The following TTN variants were observed in gnomAD, a reference collection of about 807,000 sequenced individuals.
The protein encoded by TTN is connectin.
In TTN, 1,525 loss-of-function variants were observed where a neutral mutation model predicts 3,223.0. The ratio of observed to expected loss-of-function variants is 0.47; its 90% confidence interval spans 0.45 to 0.49. The LOEUF (loss-of-function observed/expected upper bound fraction) is 0.49. Ranked by LOEUF, TTN falls within the 20% of genes least tolerant of loss-of-function variation. The pLI is 0.00. For missense variants in TTN, 40,786 were observed against 43,424.0 expected, an observed-to-expected ratio of 0.94 and a Z score of 5.40; for synonymous variants, 14,094 against 15,161.0, an observed-to-expected ratio of 0.93 and a Z score of 5.17.
chr2:178,718,761 C>A lies in TTN; in HGVS notation c.24439G>T (p.Asp8147Tyr). Residue 8147 changes from aspartate (D) to tyrosine (Y), a missense_variant, in exon 84 of 363, where the codon GAC (aspartate) becomes TAC (tyrosine). Physicochemically the swap from Asp to Tyr is radical, Grantham distance 160 (BLOSUM62 -3). Coordinates refer to ENST00000589042, the MANE Select transcript of TTN (RefSeq NM_001267550.2). ...LFEVQPLESG[D>Y]YSCLVTNDAG... ...TCATTTGTAACGAGGCAAGAATAGT[C>A]TCCACTTTCTAATGGCTGCACCTCA... is the stretch of plus-strand genomic sequence containing the variant. 1 of 1,613,734 alleles carries A rather than the reference C, an allele frequency of 6.2e-7. No individual in the cohort carries two copies. Among genetic ancestry groups the A allele is most frequent in the East Asian group, 2.2e-5 (1 of 44,852 alleles).
rs1045612706 is a variant in TTN, at chr2:178,618,366, C to T, written c.47092G>A (p.Asp15698Asn). ...AGAACCCAGGTCTTTCTCTTAATGT[C>T]ACGTCTTTCAACAACGTAACCTATG... The part of the protein sequence containing the change: ...KIIGYVVERR[D>N]IKRKTWVLAT... The change falls in exon 252 of 363, where the codon GAC becomes AAC. Residue 15698 changes from aspartate (D) to asparagine (N), a missense_variant. Coordinates refer to ENST00000589042, the MANE Select transcript of TTN (RefSeq NM_001267550.2). The T allele has an allele frequency of 7.4e-6, 12 of 1,612,522 alleles. No individual in the cohort carries two copies. The highest frequency in any genetic ancestry group is 1.1e-5 in the South Asian group (1 of 91,060).
chr2:178,693,637 A>T lies in TTN; in HGVS notation c.31566T>A (p.Ile10522=), dbSNP rs200239159. Residue 10522 remains isoleucine, a synonymous_variant, in exon 119 of 363, where the codon ATT becomes ATA. Coordinates refer to ENST00000589042, the MANE Select transcript of TTN (RefSeq NM_001267550.2). ...TAGGTGGTGGTTCAACCCTTTTGGA[A>T]ATGGCAACGTGAATTTTCTCTTCAG... ...IVTEEKIHVA[I]SKRVEPPPKV... is the part of the protein sequence containing the mutation. 23 of 1,601,522 alleles carry T rather than the reference A, an allele frequency of 1.4e-5. No individual in the cohort carries two copies. The highest frequency in any genetic ancestry group is 2.0e-5 in the Non-Finnish European group (23 of 1,171,736).
At position 178,689,280 on chromosome 2, in the gene TTN, G is replaced by GA. The variant is rs1577454770; in HGVS notation, c.32011+9dup. 3 of 1,609,746 alleles carry GA rather than the reference G, an allele frequency of 1.9e-6. No individual in the cohort carries two copies. The Admixed American group carries it at 5.1e-5, about 27-fold the overall frequency. On this transcript the variant is annotated intron_variant, in intron 124 of 362. Coordinates refer to ENST00000589042, the MANE Select transcript of TTN (RefSeq NM_001267550.2). ...TAAAGACAGTTCTTGGGAAGATGGA[G>GA]AAACAATACCTTTTGGTGGTGGTGG...
Position 178,610,267 on chromosome 2 carries a change from T to C in TTN, c.51259A>G (p.Arg17087Gly), listed in dbSNP as rs1483164102. 2.5e-6 allele frequency: 4 copies of C among 1,613,050 alleles called. No homozygotes were observed. The African/African-American group carries it at 4.0e-5, about 16-fold the overall frequency. ...TPILHYVLER[R>G]EAGRRTYIPV... is the part of the protein sequence containing the mutation. ...ATATATGTTCTCCTCCCAGCTTCTC[T>C]GCGCTCCAGGACATAATGAAGAATT... The change falls in exon 271 of 363, where the codon AGA (arginine) becomes GGA (glycine). Residue 17087 changes from arginine (R) to glycine (G), a missense_variant. Physicochemically the swap from Arg to Gly is moderately radical, Grantham distance 125. Transcript: ENST00000589042.
chr2:178,780,928 C>G (rs1419863203), intron 21 of TTN, among the ~76,000 whole-genome samples, 193 bp downstream of exon 21: 1 of 152,200 alleles, frequency 6.6e-6, no homozygotes, highest in African/African-American at 2.4e-5. Context: ...TTGCTAGAAC[C>G]TCAGAAGTTT....
Position 178,800,389 on chromosome 2 carries a change from A to G in TTN, c.583+6T>C, listed in dbSNP as rs1386932855. 5 of 1,613,962 alleles carry G rather than the reference A, an allele frequency of 3.1e-6. No homozygotes were observed. In the Admixed American group the frequency reaches 8.3e-5, roughly 27 times the overall value. On this transcript the variant is annotated splice_donor_region_variant and intron_variant, in intron 4 of 362. Transcript: ENST00000589042. ...TTCTCTCTGTTCCTCAACCTCCAGC[A>G]CGTACCTTGAACCAGTAATTCAGCA...
rs2076500953 is a variant in TTN, at chr2:178,710,513, C to T, written c.28462+122G>A. 3 of 1,229,014 alleles carry T rather than the reference C, an allele frequency of 2.4e-6. No homozygotes were observed. The Admixed American group carries it at 7.0e-5, about 29-fold the overall frequency. The allele number at this position is 1,229,014 out of a possible 1,614,324, so 76.1% of individuals were successfully genotyped here. ...CTAGATAAACTTATTTCCTCTTAAACATTTTCTTTTCATTTGTTTAAAAAT... is the reference window on the plus strand; with the variant it reads ...CTAGATAAACTTATTTCCTCTTAAATATTTTCTTTTCATTTGTTTAAAAAT... On this transcript the variant is annotated intron_variant, in intron 98 of 362. Transcript: ENST00000589042.
At chr2:178,787,585 T>TA (rs896338934) in intron 13 of TTN, among the ~76,000 whole-genome samples, 5 of 152,148 alleles carry the variant, frequency 3.3e-5, no homozygotes, top group African/African-American at 1.2e-4. Context: ...GCCAGTCTGC[T>TA]ATGAAGTAGT....
intron 111 of TTN, among the ~76,000 whole-genome samples, chr2:178,700,674 T>C (rs929481808): frequency 6.6e-6 from 1 of 152,250 alleles, no homozygotes; most frequent in Admixed American, 6.5e-5. Context: ...TTCTAAATCA[T>C]ATTTTATGTG....
chr2:178,774,918 TA>T lies in TTN; in HGVS notation c.6790+2del, dbSNP rs751134691. ...AACAATGAAATCCTTCGTTGTTGAA[TA>T]CCTTCAACAATAAGTTTAGCAGTCG... On this transcript the variant is annotated splice_donor_variant, in intron 29 of 362. Coordinates refer to ENST00000589042, the MANE Select transcript of TTN (RefSeq NM_001267550.2). LOFTEE classifies it high-confidence loss of function. 1 of 1,613,570 alleles carries T rather than the reference TA, an allele frequency of 6.2e-7. No homozygotes were observed. The highest frequency in any genetic ancestry group is 1.3e-5 in the African/African-American group (1 of 75,052).
intron 228 of TTN, 107 bp downstream of exon 228, chr2:178,635,057 TC>T: frequency 6.7e-7 from 1 of 1,485,952 alleles, no homozygotes; most frequent in Non-Finnish European, 9.1e-7. Flanking sequence ...TTTAGAAGAC[TC>T]CATTAACTCC....
Position 178,597,647 on chromosome 2 carries a change from G to A in TTN, c.57435C>T (p.Ser19145=). The change falls in exon 294 of 363, where the codon AGC becomes AGT. Residue 19145 remains serine, a synonymous_variant. Coordinates refer to ENST00000589042, the MANE Select transcript of TTN (RefSeq NM_001267550.2). ...QEATIETTAI[S]SSMVIKNCQR... ...GGCAGTTCTTGATGACCATGGATGA[G>A]CTAATGGCTGTGGTCTCAATGGTGG... The A allele has an allele frequency of 6.2e-7, 1 of 1,613,278 alleles. No homozygotes were observed.
chr2:178,663,864 C>A lies in TTN; in HGVS notation c.36403G>T (p.Val12135Leu). ...ASKEVIREEK[V>L]PLAPPKEPEV... is the part of the protein sequence containing the mutation. ...GGCTCTTTAGGAGGAGCCAAGGGCACTTTCTCTTCGCGGATAACCTCTTTG... is the reference window on the plus strand; with the variant it reads ...GGCTCTTTAGGAGGAGCCAAGGGCAATTTCTCTTCGCGGATAACCTCTTTG... Residue 12135 changes from valine (V) to leucine (L), a missense_variant, in exon 170 of 363, where the codon GTG becomes TTG. Physicochemically the swap from Val to Leu is conservative, Grantham distance 32. Transcript: ENST00000589042. 9 of 1,613,364 alleles carry A rather than the reference C, an allele frequency of 5.6e-6. No individual in the cohort carries two copies. Among genetic ancestry groups the A allele is most frequent in the Non-Finnish European group, 7.6e-6 (9 of 1,179,800 alleles).
At position 178,569,282 on chromosome 2, in the gene TTN, G is replaced by A; in HGVS notation, c.76850C>T (p.Ser25617Leu). 6.2e-7 allele frequency: 1 copy of A among 1,609,612 alleles called. No individual in the cohort carries two copies. Among genetic ancestry groups the A allele is most frequent in the Non-Finnish European group, 8.5e-7 (1 of 1,177,458 alleles). Residue 25617 changes from serine (S) to leucine (L), a missense_variant, in exon 326 of 363, where the codon TCA (serine) becomes TTA (leucine). By Grantham distance (145) the Ser-to-Leu change is moderately radical. Transcript: ENST00000589042. ...AGGAGGTTCCCATGTAATTGATACT[G>A]AGTCTTTGGTGATTTCTGTGACTTT... is the stretch of plus-strand genomic sequence containing the variant. ...NLKVTEITKD[S>L]VSITWEPPLL...
intron 319 of TTN, 47 bp from the exon 320 acceptor site, chr2:178,579,440 A>T (rs780400473): frequency 1.3e-6 from 2 of 1,560,252 alleles, no homozygotes; most frequent in Middle Eastern, 3.5e-4. Context: ...AGGCCAGGCG[A>T]TTAACTTTTT....
rs767743244 is a variant in TTN, at chr2:178,595,817, TAAG to T, written c.57545-11_57545-9del. ...CAACGGGACCTGGAACATCTGGAAA[TAAG>T]AAGAAAATAATTCAAGCTGTTTGCC... On this transcript the variant is annotated splice_polypyrimidine_tract_variant and intron_variant, in intron 294 of 362. Coordinates refer to ENST00000589042, the MANE Select transcript of TTN (RefSeq NM_001267550.2). 27 of 1,580,926 alleles carry T rather than the reference TAAG, an allele frequency of 1.7e-5. No individual in the cohort carries two copies. Among genetic ancestry groups the T allele is most frequent in the Non-Finnish European group, 2.2e-5 (26 of 1,163,644 alleles).
Position 178,574,471 on chromosome 2 carries a change from T to C in TTN, c.71661A>G (p.Lys23887=), listed in dbSNP as rs1575788923. The C allele has an allele frequency of 1.2e-6, 2 of 1,613,656 alleles. No individual in the cohort carries two copies. Among genetic ancestry groups the C allele is most frequent in the Non-Finnish European group, 1.7e-6 (2 of 1,179,630 alleles). The part of the protein sequence containing the change: ...SKALVPGNIF[K]SSGLTDGIAY... ...CAATACCATCTGTAAGTCCACTTGA[T>C]TTGAAAATGTTGCCTGGTACTAAAG... The change falls in exon 326 of 363, where the codon AAA becomes AAG. Residue 23887 remains lysine (K), a synonymous_variant. Transcript: ENST00000589042.
At position 178,576,699 on chromosome 2, in the gene TTN, T is replaced by C. The variant is rs773432437; in HGVS notation, c.69545A>G (p.Lys23182Arg). 2.4e-5 allele frequency: 38 copies of C among 1,613,434 alleles called. No individual in the cohort carries two copies. Among genetic ancestry groups the C allele is most frequent in the Non-Finnish European group, 2.6e-5 (31 of 1,179,630 alleles). ...TATTGCTCTCACCCATCGCAGGCTT[T>C]TCTTTTCTCTCCTTTCTACATGATA... is the stretch of plus-strand genomic sequence containing the variant. ...TGYHVERREK[K>R]SLRWVRAIKT... is the part of the protein sequence containing the mutation. The change falls in exon 325 of 363, where the codon AAA (lysine) becomes AGA (arginine). Residue 23182 changes from lysine (K) to arginine (R), a missense_variant. By Grantham distance (26) the Lys-to-Arg change is conservative. Coordinates refer to ENST00000589042, the MANE Select transcript of TTN (RefSeq NM_001267550.2). The surrounding 1 kb of genome is among the most constrained non-coding windows in gnomAD (Gnocchi z 4.3).
intron 242 of TTN, among the ~76,000 whole-genome samples, chr2:178,623,875 A>G (rs2058661797): frequency 6.6e-6 from 1 of 151,996 alleles, no homozygotes; most frequent in East Asian, 1.9e-4. Flanking sequence ...AAAAACCATT[A>G]GAGTTCTCTT....
Sources: allele counts gnomAD v4.1 joint callset (sites outside exome capture counted in the v4.1 genomes callset), GRCh38; gene constraint gnomAD v4.1.1; non-coding constraint Gnocchi (gnomAD v3.1); transcripts MANE v1.5; gene names NCBI Gene and HGNC (gene_info 2026-07-23, HGNC 2026-07-21).